The following TTC28 variants were observed in gnomAD, a reference collection of about 807,000 sequenced individuals.
TTC28 encodes tetratricopeptide repeat domain 28.
TTC28 carries 61 observed loss-of-function variants against 198.0 expected under a neutral mutation model. That is an observed-to-expected ratio of 0.31 (90% CI 0.25 to 0.38). TTC28 has a LOEUF of 0.38. Among genes scored for constraint, TTC28 ranks in the 10% least tolerant of loss-of-function variants. The probability of loss-of-function intolerance (pLI) is 1.00; values close to 1 mark genes in which losing one functional copy is unlikely to be tolerated. For missense variants in TTC28, 2,678 were observed against 3,164.0 expected, an observed-to-expected ratio of 0.85 and a Z score of 3.69; for synonymous variants, 1,171 against 1,297.8, an observed-to-expected ratio of 0.90 and a Z score of 2.10.
rs562719851 is a variant in TTC28, at chr22:28,387,768, C to G, written c.382-81125G>C. Reference sequence around the variant, plus strand: ...AGCCCTTTGTCAGATGAGTAGGTTGCGAAAATTTTCTCCCATTTTGTAGGT... The same window carrying G: ...AGCCCTTTGTCAGATGAGTAGGTTGGGAAAATTTTCTCCCATTTTGTAGGT... On this transcript the variant is annotated intron_variant, in intron 2 of 22. Coordinates refer to ENST00000397906, the MANE Select transcript of TTC28 (RefSeq NM_001145418.2). Among the ~76,000 whole-genome samples, 16 of 152,148 alleles carry G rather than the reference C, an allele frequency of 1.1e-4. No individual in the cohort carries two copies. In the South Asian group the frequency reaches 3.1e-3, roughly 30 times the overall value.
intron 5 of TTC28, among the ~76,000 whole-genome samples, chr22:28,239,294 T>A (rs969626836): frequency 6.6e-5 from 10 of 152,200 alleles, no homozygotes; most frequent in Non-Finnish European, 1.0e-4. Context: ...AATAGCCACA[T>A]GTGGCTATTG....
chr22:28,555,945 A>G (rs2049778394), intron 2 of TTC28, among the ~76,000 whole-genome samples: 1 of 152,048 alleles, frequency 6.6e-6, no homozygotes, highest in African/African-American at 2.4e-5. Context: ...ATGTTTACTA[A>G]TTTTGTTGCT....
chr22:27,998,763 T>G lies in TTC28; in HGVS notation c.4896A>C (p.Lys1632Asn), dbSNP rs781217663. 1 of 1,550,744 alleles carries G rather than the reference T, an allele frequency of 6.4e-7. No homozygotes were observed. The highest frequency in any genetic ancestry group is 1.2e-5 in the South Asian group (1 of 84,064). Residue 1632 changes from lysine (K) to asparagine (N), a missense_variant, in exon 16 of 23, where the codon AAA becomes AAC. Lys to Asn is a moderately conservative substitution (Grantham distance 94). Coordinates refer to ENST00000397906, the MANE Select transcript of TTC28 (RefSeq NM_001145418.2). ...GCGCGATGACCCCGTCGGCTGTGAC[T>G]TTGCTGTTGGACTCCTGGGAGGAGC... The part of the protein sequence containing the change: ...VLGSSQESNS[K>N]VTADGVIALT...
intron 2 of TTC28, among the ~76,000 whole-genome samples, chr22:28,534,731 C>A (rs990993618): frequency 1.3e-5 from 2 of 152,060 alleles, no homozygotes; most frequent in African/African-American, 2.4e-5. Flanking sequence ...TGCTAGGCAG[C>A]CATAAAAAAG....
chr22:28,081,423 T>C (rs1182363715), intron 12 of TTC28, among the ~76,000 whole-genome samples: 1 of 152,096 alleles, frequency 6.6e-6, no homozygotes, highest in Non-Finnish European at 1.5e-5. Flanking sequence ...GCCTTAGCTA[T>C]GTGGGGTCCT....
At chr22:28,151,486 A>C in intron 6 of TTC28, among the ~76,000 whole-genome samples, 1 of 152,254 alleles carries the variant, frequency 6.6e-6, no homozygotes, top group East Asian at 1.9e-4. Context: ...ATGTTTACAG[A>C]TGCACAGTAT....
intron 1 of TTC28, among the ~76,000 whole-genome samples, chr22:28,652,388 A>G (rs1347781824): frequency 6.6e-6 from 1 of 152,194 alleles, no homozygotes; most frequent in Non-Finnish European, 1.5e-5. Flanking sequence ...CAATTCTGCA[A>G]TCTAATTCTA....
At chr22:27,999,291 C>T (rs752817400) in intron 15 of TTC28, 31 bp from the exon 16 acceptor site, 272 of 1,517,550 alleles carry the variant, frequency 1.8e-4, no homozygotes, top group Middle Eastern at 3.7e-4. Context: ...GCAGACCACC[C>T]GTCAGACAGA....
At chr22:28,192,315 T>A (rs1924896774) in intron 5 of TTC28, among the ~76,000 whole-genome samples, 1 of 151,506 alleles carries the variant, frequency 6.6e-6, no homozygotes, top group Non-Finnish European at 1.5e-5. Flanking sequence ...AGACCAAAGG[T>A]AGATAAAACC....
At chr22:28,516,110 A>G (rs958251919) in intron 2 of TTC28, among the ~76,000 whole-genome samples, 1 of 149,974 alleles carries the variant, frequency 6.7e-6, no homozygotes, top group African/African-American at 2.5e-5. Flanking sequence ...CTGCCATTAC[A>G]CTCCAGCCTG....
chr22:28,107,827 T>C lies in TTC28; in HGVS notation c.2018A>G (p.Gln673Arg), dbSNP rs760048284. 17 of 1,551,828 alleles carry C rather than the reference T, an allele frequency of 1.1e-5. No individual in the cohort carries two copies. The highest frequency in any genetic ancestry group is 1.7e-6 in the Non-Finnish European group (2 of 1,147,060). Residue 673 changes from glutamine to arginine, a missense_variant, in exon 7 of 23, where the codon CAA becomes CGA. Gln to Arg is a conservative substitution (Grantham distance 43, BLOSUM62 1). Transcript: ENST00000397906. ...LAKDLHDKLS[Q>R]AKAYCNLGLA... The stretch of plus-strand genomic sequence containing the variant: ...GCCCAAGTTGCAGTAGGCTTTTGCT[T>C]GGCTCAACTTGTCGTGAAGGTCTTT...
chr22:28,263,932 A>T (rs938965828), intron 5 of TTC28, among the ~76,000 whole-genome samples: 1 of 152,136 alleles, frequency 6.6e-6, no homozygotes, highest in Non-Finnish European at 1.5e-5. Flanking sequence ...TTGTTGGTAG[A>T]TTTGATACAG....
chr22:28,035,009 A>G (rs1389731259), intron 12 of TTC28, among the ~76,000 whole-genome samples: 4 of 152,200 alleles, frequency 2.6e-5, no homozygotes, highest in South Asian at 2.1e-4. Flanking sequence ...GTTCTTGGGG[A>G]CAGGGCTTGG....
At chr22:28,544,076 C>T (rs1193607222) in intron 2 of TTC28, among the ~76,000 whole-genome samples, 1 of 152,042 alleles carries the variant, frequency 6.6e-6, no homozygotes, top group Non-Finnish European at 1.5e-5. Context: ...CAAAAATTAG[C>T]CAGGCGTGGT....
chr22:28,586,195 C>A (rs529151249), intron 2 of TTC28, among the ~76,000 whole-genome samples: 2 of 151,094 alleles, frequency 1.3e-5, no homozygotes, highest in Admixed American at 1.3e-4. Context: ...AGGAGAATAG[C>A]GTGAACCTGG....
At chr22:28,549,034 CT>C (rs1009087203) in intron 2 of TTC28, among the ~76,000 whole-genome samples, 6 of 150,684 alleles carry the variant, frequency 4.0e-5, no homozygotes, top group African/African-American at 9.8e-5. Flanking sequence ...TTCTTTTTTC[CT>C]TTTTTTTTCT....
chr22:28,346,843 T>C (rs1344114525), intron 2 of TTC28, among the ~76,000 whole-genome samples: 1 of 152,090 alleles, frequency 6.6e-6, no homozygotes, highest in Non-Finnish European at 1.5e-5. Context: ...CACATTGCAT[T>C]GCACAGTAAC....
At chr22:28,040,327 GA>G (rs1173954947) in intron 12 of TTC28, among the ~76,000 whole-genome samples, 1 of 152,080 alleles carries the variant, frequency 6.6e-6, no homozygotes, top group African/African-American at 2.4e-5. Flanking sequence ...ACATCAGTGC[GA>G]AAATCCTCAA....
chr22:28,650,958 T>C (rs1467563723), intron 1 of TTC28, among the ~76,000 whole-genome samples: 1 of 152,226 alleles, frequency 6.6e-6, no homozygotes, highest in African/African-American at 2.4e-5. Flanking sequence ...GCCTGCTGCC[T>C]GTTTTTGGAA....
Sources: gnomAD v4.1 joint callset for allele counts (sites outside exome capture counted in the v4.1 genomes callset) on GRCh38, gnomAD v4.1.1 for gene constraint, MANE v1.5 for transcripts, NCBI Gene and HGNC (gene_info 2026-07-23, HGNC 2026-07-21) for gene names.